Variants in ZDHHC14 observed in about 807,000 individuals in gnomAD.
ZDHHC14 encodes zDHHC palmitoyltransferase 14.
Under a neutral mutation model 47.7 loss-of-function variants are expected in ZDHHC14, and 16 were observed. That is an observed-to-expected ratio of 0.34 (90% CI 0.23 to 0.51). The LOEUF (loss-of-function observed/expected upper bound fraction) is 0.51, where lower values mean the gene tolerates loss of function less well. Among genes scored for constraint, ZDHHC14 ranks in the 20% least tolerant of loss-of-function variants. ZDHHC14 has a pLI of 0.97. For missense variants in ZDHHC14, 515 were observed against 662.5 expected (o/e 0.78, Z 2.44); for synonymous variants, 293 against 278.9 (o/e 1.05, Z -0.50).
At chr6:157,481,520 A>G (rs150613075) in intron 1 of ZDHHC14, among the ~76,000 whole-genome samples, 2,335 of 152,228 alleles carry the variant, frequency 0.015, 31 homozygotes, top group Non-Finnish European at 0.023. Flanking sequence ...AGCTGTTCTC[A>G]TTACTGCTCT....
At chr6:157,460,057 CAA>C (rs35995673) in intron 1 of ZDHHC14, among the ~76,000 whole-genome samples, 2,483 of 118,166 alleles carry the variant, frequency 0.021, 48 homozygotes, top group African/African-American at 0.049. Context: ...ACTAAAAATA[CAA>C]AAAAAAAAAA....
intron 1 of ZDHHC14, among the ~76,000 whole-genome samples, chr6:157,433,962 T>G (rs1348639978): frequency 3.3e-5 from 5 of 152,140 alleles, no homozygotes; most frequent in Non-Finnish European, 7.3e-5. Flanking sequence ...TTTTTCCTGG[T>G]AATTGTACCA....
intron 1 of ZDHHC14, among the ~76,000 whole-genome samples, chr6:157,465,301 T>G (rs1779185995): frequency 6.6e-6 from 1 of 152,172 alleles, no homozygotes; most frequent in African/African-American, 2.4e-5. Flanking sequence ...TTTAGGTGCC[T>G]ACTCTGAAAC....
chr6:157,449,538 A>C (rs976835684), intron 1 of ZDHHC14, among the ~76,000 whole-genome samples: 1 of 152,196 alleles, frequency 6.6e-6, no homozygotes, highest in Admixed American at 6.5e-5. Context: ...ATTTGAAGTC[A>C]ATCCTTTCCC....
intron 1 of ZDHHC14, among the ~76,000 whole-genome samples, chr6:157,437,243 G>T (rs141462867): frequency 6.6e-6 from 1 of 152,190 alleles, no homozygotes; most frequent in African/African-American, 2.4e-5. Flanking sequence ...GTGCTGTACT[G>T]TGCCTTCATT....
At chr6:157,454,656 A>G (rs571083477) in intron 1 of ZDHHC14, among the ~76,000 whole-genome samples, 1 of 152,248 alleles carries the variant, frequency 6.6e-6, no homozygotes, top group Non-Finnish European at 1.5e-5. Flanking sequence ...AGCGTGAGCC[A>G]TGGGACCTGG....
At chr6:157,645,605 G>A (rs1357357097) in intron 5 of ZDHHC14, 132 bp from the exon 6 acceptor site, 3 of 667,916 alleles carry the variant, frequency 4.5e-6, no homozygotes, top group Non-Finnish European at 5.1e-6. Context: ...AGGAAGCAAG[G>A]CAAGGCCGGG....
Position 157,475,647 on chromosome 6 carries a change from A to G in ZDHHC14, c.246-66938A>G, listed in dbSNP as rs548515422. Among the ~76,000 whole-genome samples, 308 of 152,094 alleles carry G rather than the reference A, an allele frequency of 2.0e-3. 4 individuals carry two copies. The highest frequency in any genetic ancestry group is 7.0e-3 in the African/African-American group (291 of 41,506). ...TCTTGTGAATGAGATAGTTTTCTTG[A>G]TTTATTTTTCAGGTGGTTCACTGCT... On this transcript the variant is annotated intron_variant, in intron 1 of 8. Transcript: ENST00000359775.
intron 1 of ZDHHC14, among the ~76,000 whole-genome samples, chr6:157,436,794 T>G (rs1219140485): frequency 6.6e-6 from 1 of 152,058 alleles, no homozygotes; most frequent in Non-Finnish European, 1.5e-5. Flanking sequence ...GTTTGGGTCA[T>G]GTTGGCTGCA....
In ZDHHC14 at chr6:157,445,791, AAG is replaced by A. The variant is rs753709613; in HGVS notation, c.245+63538_245+63539del. Among the ~76,000 whole-genome samples the A allele has an allele frequency of 1.8e-3, 271 of 151,664 alleles. 3 individuals carry two copies. The highest frequency in any genetic ancestry group is 3.2e-3 in the Non-Finnish European group (214 of 67,842). ...AAAAAGCCAGAGAGAGAGAGAGAGA[AAG>A]AGAGAGAGAGAGGTTAGGATATAAG... On this transcript the variant is annotated intron_variant, in intron 1 of 8. Transcript: ENST00000359775.
chr6:157,404,901 T>C (rs1043401268), intron 1 of ZDHHC14, among the ~76,000 whole-genome samples: 1 of 152,218 alleles, frequency 6.6e-6, no homozygotes, highest in African/African-American at 2.4e-5. Flanking sequence ...TAAGAGTTAA[T>C]GAATGGATTC....
At chr6:157,541,291 C>A (rs922993782) in intron 1 of ZDHHC14, among the ~76,000 whole-genome samples, 5 of 152,126 alleles carry the variant, frequency 3.3e-5, no homozygotes, top group African/African-American at 9.7e-5. Flanking sequence ...CTCTTGAAGG[C>A]TGGTGCACTA....
rs201039549 is a variant in ZDHHC14, at chr6:157,389,845, ACAAT to A, written c.245+7584_245+7587del. 7.4e-3 allele frequency among the ~76,000 whole-genome samples: 1,134 copies of A among 152,278 alleles called. 4 individuals are homozygous for A. The highest frequency in any genetic ancestry group is 0.017 in the Middle Eastern group (5 of 294). On this transcript the variant is annotated intron_variant, in intron 1 of 8. Coordinates refer to ENST00000359775, the MANE Select transcript of ZDHHC14 (RefSeq NM_024630.3). ...AAGCCAGTAATGTTATTATTTTTAA[ACAAT>A]CAATAGCTTTTAAAAGAAAAATAAA... is the stretch of plus-strand genomic sequence containing the variant.
intron 1 of ZDHHC14, among the ~76,000 whole-genome samples, chr6:157,521,012 C>T (rs997212036): frequency 6.6e-6 from 1 of 152,132 alleles, no homozygotes; most frequent in Non-Finnish European, 1.5e-5. Flanking sequence ...ATTCCAAATG[C>T]ATATAAATTC....
At chr6:157,549,580 G>A (rs541305055) in intron 2 of ZDHHC14, among the ~76,000 whole-genome samples, 1 of 152,330 alleles carries the variant, frequency 6.6e-6, no homozygotes, top group African/African-American at 2.4e-5. Flanking sequence ...ATGCCAGGAA[G>A]TGGGGCAGTG....
At chr6:157,575,426 C>T (rs1366126447) in intron 2 of ZDHHC14, among the ~76,000 whole-genome samples, 1 of 152,232 alleles carries the variant, frequency 6.6e-6, no homozygotes, top group African/African-American at 2.4e-5. Flanking sequence ...GATGTGGCTA[C>T]AGGGTTCTGT....
intron 1 of ZDHHC14, among the ~76,000 whole-genome samples, chr6:157,541,030 C>T (rs747355417): frequency 6.6e-6 from 1 of 151,402 alleles, no homozygotes; most frequent in Non-Finnish European, 1.5e-5. Flanking sequence ...AGAGAAGTTA[C>T]AAGAATAAGA....
At chr6:157,636,542 G>A (rs1168635965) in intron 5 of ZDHHC14, among the ~76,000 whole-genome samples, 2 of 152,170 alleles carry the variant, frequency 1.3e-5, no homozygotes, top group South Asian at 2.1e-4. Flanking sequence ...TTGGTCTTGT[G>A]GCACCTACAT....
At chr6:157,572,746 G>A (rs1385870964) in intron 2 of ZDHHC14, among the ~76,000 whole-genome samples, 1 of 148,894 alleles carries the variant, frequency 6.7e-6, no homozygotes, top group East Asian at 2.0e-4. Context: ...AGGACTGTTG[G>A]GCATACAGTA....
Sources: allele counts gnomAD v4.1 joint callset (sites outside exome capture counted in the v4.1 genomes callset), GRCh38; gene constraint gnomAD v4.1.1; transcripts MANE v1.5; gene names NCBI Gene and HGNC (gene_info 2026-07-23, HGNC 2026-07-21).